The following NELL1 variants were observed in gnomAD, a reference collection of about 807,000 sequenced individuals.
NELL1 encodes the protein neural EGFL like 1, also known as protein kinase C-binding protein NELL1.
In NELL1, 76 loss-of-function variants were observed where a neutral mutation model predicts 107.4. The ratio of observed to expected loss-of-function variants is 0.71; its 90% CI spans 0.59 to 0.86. The LOEUF is 0.86. Ranked by LOEUF, NELL1 falls within the 40% of genes least tolerant of loss-of-function variation. The pLI, the probability that NELL1 is intolerant of heterozygous loss-of-function variation, is 0.00. For missense variants in NELL1, 1,024 were observed against 1,005.5 expected (o/e 1.02, Z -0.25); for synonymous variants, 353 against 341.2 (o/e 1.03, Z -0.38).
At chr11:20,813,290 G>A (rs1857544222) in intron 3 of NELL1, among the ~76,000 whole-genome samples, 1 of 152,248 alleles carries the variant, frequency 6.6e-6, no homozygotes, top group South Asian at 2.1e-4. Flanking sequence ...CAGAAGATTG[G>A]GTTTAGTCTC....
Position 21,108,051 on chromosome 11 carries a change from G to C in NELL1, c.1301-5538G>C, listed in dbSNP as rs116410775. ...GATGGTTAGGAGCAATGAGATGAGA[G>C]GCACACAGTGCTTGACCAAAAACAT... On this transcript the variant is annotated intron_variant, in intron 12 of 19. Transcript: ENST00000357134. Among the ~76,000 whole-genome samples the C allele has an allele frequency of 9.6e-3, 1,467 of 152,204 alleles. 26 individuals carry two copies. The highest frequency in any genetic ancestry group is 0.033 in the African/African-American group (1,389 of 41,530).
At chr11:20,919,847 T>G (rs772169606) in intron 7 of NELL1, among the ~76,000 whole-genome samples, 1 of 152,150 alleles carries the variant, frequency 6.6e-6, no homozygotes, top group Non-Finnish European at 1.5e-5. Flanking sequence ...AGTTTGCCTT[T>G]CAACACCTTC....
At chr11:21,039,934 A>G (rs1853188204) in intron 12 of NELL1, among the ~76,000 whole-genome samples, 1 of 152,174 alleles carries the variant, frequency 6.6e-6, no homozygotes, top group Non-Finnish European at 1.5e-5. Flanking sequence ...GATGCAATAA[A>G]TCTTAATAAC....
intron 3 of NELL1, among the ~76,000 whole-genome samples, chr11:20,821,383 T>G (rs146670305): frequency 1.7e-3 from 261 of 152,316 alleles, no homozygotes; most frequent in African/African-American, 6.0e-3. Flanking sequence ...GTCAAGTGCC[T>G]GATTGAGCTT....
chr11:20,794,182 A>G (rs76035127), intron 3 of NELL1, among the ~76,000 whole-genome samples: 2,728 of 152,290 alleles, frequency 0.018, 84 homozygotes, highest in African/African-American at 0.062. Context: ...TTCATTGAAC[A>G]GTACTGGGAA....
chr11:21,410,347 A>G (rs1353103695), intron 15 of NELL1, among the ~76,000 whole-genome samples: 1 of 152,050 alleles, frequency 6.6e-6, no homozygotes, highest in African/African-American at 2.4e-5. Context: ...CAACTGAGGG[A>G]ATACATTCTG....
chr11:21,008,088 G>T (rs1428118322), intron 12 of NELL1, among the ~76,000 whole-genome samples: 2 of 152,034 alleles, frequency 1.3e-5, no homozygotes, highest in African/African-American at 2.4e-5. Flanking sequence ...TAACTACTTG[G>T]TAAAAGAGGT....
chr11:21,362,281 C>G (rs1851094013), intron 14 of NELL1, among the ~76,000 whole-genome samples: 1 of 152,164 alleles, frequency 6.6e-6, no homozygotes, highest in Non-Finnish European at 1.5e-5. Context: ...TCTAGCCACC[C>G]AGCAGAGCTA....
At chr11:20,767,778 T>C (rs1483382900) in intron 2 of NELL1, among the ~76,000 whole-genome samples, 1 of 152,214 alleles carries the variant, frequency 6.6e-6, no homozygotes. Flanking sequence ...TTGCACATCA[T>C]GTGACAGGCA....
intron 11 of NELL1, among the ~76,000 whole-genome samples, chr11:20,954,618 A>G (rs1851134104): frequency 6.6e-6 from 1 of 152,198 alleles, no homozygotes; most frequent in Non-Finnish European, 1.5e-5. Flanking sequence ...GAGGCCCCAT[A>G]AATATTGAGT....
chr11:20,755,550 G>A (rs2403624), intron 2 of NELL1, among the ~76,000 whole-genome samples: 69,883 of 113,944 alleles, frequency 0.61, 20,353 homozygotes, highest in Middle Eastern at 0.78. Flanking sequence ...GTTTTTTTTT[G>A]TTTTTGTTTT....
intron 15 of NELL1, among the ~76,000 whole-genome samples, chr11:21,374,512 T>TCAA (rs1438764190): frequency 6.6e-6 from 1 of 152,002 alleles, no homozygotes; most frequent in East Asian, 1.9e-4. Context: ...TTTTTGTGAC[T>TCAA]CAATCAAATG....
chr11:20,800,578 T>C (rs1181661418), intron 3 of NELL1, among the ~76,000 whole-genome samples: 1 of 152,226 alleles, frequency 6.6e-6, no homozygotes, highest in Non-Finnish European at 1.5e-5. Context: ...TTAAGTTCCT[T>C]GTAGATTCTG....
intron 13 of NELL1, among the ~76,000 whole-genome samples, chr11:21,173,749 ATG>A (rs140675203): frequency 6.6e-6 from 1 of 150,494 alleles, no homozygotes; most frequent in Non-Finnish European, 1.5e-5. Context: ...ATGTAGAGGT[ATG>A]TGTGTGTGTG....
At chr11:21,253,139 C>T (rs1858681850) in intron 14 of NELL1, among the ~76,000 whole-genome samples, 1 of 152,060 alleles carries the variant, frequency 6.6e-6, no homozygotes, top group South Asian at 2.1e-4. Flanking sequence ...TAGGGATCAT[C>T]TCTCCTATTT....
chr11:21,413,989 T>C (rs1852441527), intron 15 of NELL1, among the ~76,000 whole-genome samples: 1 of 152,072 alleles, frequency 6.6e-6, no homozygotes, highest in Non-Finnish European at 1.5e-5. Context: ...GTAAAATCTT[T>C]ACAGCCCTGC....
chr11:21,252,460 C>T (rs941189353), intron 14 of NELL1, among the ~76,000 whole-genome samples: 1 of 152,124 alleles, frequency 6.6e-6, no homozygotes. Flanking sequence ...TCCCGTTTGA[C>T]CATGCGTAAG....
At chr11:20,785,910 A>T (rs1230873697) in intron 3 of NELL1, among the ~76,000 whole-genome samples, 1 of 151,848 alleles carries the variant, frequency 6.6e-6, no homozygotes, top group African/African-American at 2.4e-5. Context: ...GAAAGGTTTT[A>T]AAAAAACTTT....
intron 13 of NELL1, among the ~76,000 whole-genome samples, chr11:21,126,725 T>C (rs1855494267): frequency 6.6e-6 from 1 of 152,186 alleles, no homozygotes; most frequent in African/African-American, 2.4e-5. Flanking sequence ...CACCTTAAGA[T>C]ACATTTGGAA....
Sources: gnomAD v4.1 joint callset for allele counts (sites outside exome capture counted in the v4.1 genomes callset) on GRCh38, gnomAD v4.1.1 for gene constraint, MANE v1.5 for transcripts, NCBI Gene and HGNC (gene_info 2026-07-23, HGNC 2026-07-21) for gene names.